IQSEC1: variants seen among roughly 807,000 people sequenced by gnomAD.
IQSEC1 encodes IQ motif and SEC7 domain-containing protein 1.
In IQSEC1, 31 loss-of-function variants were observed where a neutral mutation model predicts 91.0. The ratio of observed to expected loss-of-function variants is 0.34; its 90% confidence interval spans 0.26 to 0.46. IQSEC1 has a LOEUF of 0.46. Among genes scored for constraint, IQSEC1 ranks in the 20% least tolerant of loss-of-function variants. The pLI is 1.00. For synonymous variants in IQSEC1, 699 were observed against 662.6 expected, an observed-to-expected ratio of 1.05 and a Z score of -0.84; for missense variants, 1,388 against 1,575.6, an observed-to-expected ratio of 0.88 and a Z score of 2.02.
At chr3:12,958,255 G>T (rs1282237471) in intron 1 of IQSEC1, among the ~76,000 whole-genome samples, 1 of 152,184 alleles carries the variant, frequency 6.6e-6, no homozygotes, top group Non-Finnish European at 1.5e-5. Context: ...GCACAGAAAG[G>T]GTCTTGGGGA....
rs1693946495 is a variant in IQSEC1 at position 12,899,104 on chromosome 3, A to T, written c.*1879T>A. On this transcript the variant is annotated 3_prime_UTR_variant, in exon 14 of 14. Coordinates refer to ENST00000613206, the MANE Select transcript of IQSEC1 (RefSeq NM_001134382.3). ...CTGTATTTGCTCTCTCTGGAGATTA[A>T]CAAAGTGCTTGGTTTGCAGATTTGC... 1 of 512,128 alleles carries T rather than the reference A, an allele frequency of 2.0e-6. No individual in the cohort carries two copies. Among genetic ancestry groups the T allele is most frequent in the South Asian group, 2.6e-5 (1 of 39,122 alleles). The allele number at this position is 512,128 out of a possible 1,614,324, so 31.7% of individuals were successfully genotyped here.
At chr3:13,029,672 G>C (rs1340067084) in intron 1 of IQSEC1, among the ~76,000 whole-genome samples, 1 of 152,228 alleles carries the variant, frequency 6.6e-6, no homozygotes, top group Non-Finnish European at 1.5e-5. Context: ...CCCTCCCCTT[G>C]TGCGTGAGCG....
chr3:13,062,133 C>G (rs1423503723), intron 1 of IQSEC1, among the ~76,000 whole-genome samples: 1 of 152,126 alleles, frequency 6.6e-6, no homozygotes, highest in Non-Finnish European at 1.5e-5. Flanking sequence ...CACGGAAATC[C>G]CTTTGACTTG....
intron 1 of IQSEC1, among the ~76,000 whole-genome samples, chr3:13,046,922 C>G (rs1234973912): frequency 6.6e-6 from 1 of 152,238 alleles, no homozygotes; most frequent in African/African-American, 2.4e-5. Flanking sequence ...GGCTTCCAAT[C>G]AAGGGAGCTT....
intron 1 of IQSEC1, among the ~76,000 whole-genome samples, chr3:12,984,163 C>G (rs188347785): frequency 6.6e-5 from 10 of 152,316 alleles, no homozygotes; most frequent in Admixed American, 6.5e-4. Context: ...ACTCAAGCCG[C>G]TCCCATGGAT....
At chr3:13,165,591 T>TGTCTGTC (rs1553570989) in intron 1 of IQSEC1, among the ~76,000 whole-genome samples, 8 of 145,922 alleles carry the variant, frequency 5.5e-5, no homozygotes, top group South Asian at 2.2e-4. Flanking sequence ...TCTGTCTGTC[T>TGTCTGTC]TCACTTCATC....
At chr3:13,168,221 A>C (rs1415179769) in intron 1 of IQSEC1, among the ~76,000 whole-genome samples, 1 of 152,190 alleles carries the variant, frequency 6.6e-6, no homozygotes, top group Non-Finnish European at 1.5e-5. Context: ...GACTGATCCA[A>C]ATTCAAGTTC....
At chr3:13,194,411 C>T (rs544082609) in intron 1 of IQSEC1, among the ~76,000 whole-genome samples, 19 of 152,244 alleles carry the variant, frequency 1.2e-4, no homozygotes, top group African/African-American at 4.1e-4. Flanking sequence ...CTGGGGACAC[C>T]GCCTGTCCCC....
chr3:13,255,949 A>C (rs1192087001), intron 1 of IQSEC1, among the ~76,000 whole-genome samples: 5 of 152,166 alleles, frequency 3.3e-5, no homozygotes, highest in Non-Finnish European at 2.9e-5. Flanking sequence ...ACAACTGGGG[A>C]ACTGGGGAGG....
intron 2 of IQSEC1, among the ~76,000 whole-genome samples, chr3:13,104,588 C>A (rs1333166704): frequency 1.3e-5 from 2 of 152,162 alleles, no homozygotes; most frequent in African/African-American, 4.8e-5. Context: ...CCCCTGTGCA[C>A]GCTGGGGCCA....
intron 1 of IQSEC1, among the ~76,000 whole-genome samples, chr3:12,985,660 AGT>A (rs1559699667): frequency 1.6e-4 from 21 of 134,978 alleles, no homozygotes; most frequent in Admixed American, 3.0e-4. Context: ...CGGGTGGCAG[AGT>A]GGGGGGGGTC....
chr3:13,228,318 G>C (rs1408869450), intron 1 of IQSEC1, among the ~76,000 whole-genome samples: 1 of 152,124 alleles, frequency 6.6e-6, no homozygotes, highest in Admixed American at 6.5e-5. Flanking sequence ...CGGAAACAAA[G>C]GAGCAGGGGA....
At chr3:13,146,462 G>A (rs1706899822) in intron 2 of IQSEC1, among the ~76,000 whole-genome samples, 1 of 152,192 alleles carries the variant, frequency 6.6e-6, no homozygotes. Flanking sequence ...CACACGACAC[G>A]GTGGGCGGGC....
At chr3:13,189,164 G>C (rs1454265057) in intron 1 of IQSEC1, among the ~76,000 whole-genome samples, 1 of 152,194 alleles carries the variant, frequency 6.6e-6, no homozygotes, top group African/African-American at 2.4e-5. Flanking sequence ...CACACTGCCA[G>C]GAAGGAACTT....
intron 1 of IQSEC1, among the ~76,000 whole-genome samples, chr3:13,064,200 C>T (rs979411069): frequency 3.3e-5 from 5 of 152,122 alleles, no homozygotes; most frequent in African/African-American, 4.8e-5. Flanking sequence ...ACTAAACACA[C>T]GCATGCACAC....
At chr3:13,032,026 A>G (rs951034896) in intron 1 of IQSEC1, among the ~76,000 whole-genome samples, 3 of 152,122 alleles carry the variant, frequency 2.0e-5, no homozygotes, top group Non-Finnish European at 4.4e-5. Context: ...GCCTTCACCC[A>G]GGCTCCCCAC....
intron 1 of IQSEC1, among the ~76,000 whole-genome samples, chr3:13,037,657 C>A (rs1704086300): frequency 6.6e-6 from 1 of 152,184 alleles, no homozygotes; most frequent in African/African-American, 2.4e-5. Flanking sequence ...GTGGTCCATA[C>A]TTATAGTGGA....
At chr3:13,076,992 C>T (rs2125123245), upstream of IQSEC1, among the ~76,000 whole-genome samples, 1 of 149,056 alleles carries the variant, frequency 6.7e-6, no homozygotes, top group East Asian at 2.0e-4. Context: ...TACATAGACC[C>T]TAAAAAAAAT....
chr3:13,262,855 G>A (rs981466687), intron 1 of IQSEC1, among the ~76,000 whole-genome samples: 2 of 152,324 alleles, frequency 1.3e-5, no homozygotes, highest in African/African-American at 4.8e-5. Flanking sequence ...AGTCCCTAGA[G>A]CAATCCAGTT....
Sources: allele counts gnomAD v4.1 joint callset (sites outside exome capture counted in the v4.1 genomes callset), GRCh38; gene constraint gnomAD v4.1.1; transcripts MANE v1.5; gene names NCBI Gene and HGNC (gene_info 2026-07-23, HGNC 2026-07-21).